The following GRM1 variants were observed in gnomAD, a reference collection of about 807,000 sequenced individuals.
GRM1 encodes metabotropic glutamate receptor 1.
In GRM1, 33 loss-of-function variants were observed where a neutral mutation model predicts 90.9. That is an observed-to-expected ratio of 0.36 (90% CI 0.28 to 0.49). The LOEUF (loss-of-function observed/expected upper bound fraction) is 0.49, where lower values mean the gene tolerates loss of function less well. Among genes scored for constraint, GRM1 ranks in the 20% least tolerant of loss-of-function variants. The pLI, the probability that GRM1 is intolerant of heterozygous loss-of-function variation, is 0.99. For missense variants in GRM1, 1,190 were observed against 1,534.3 expected (o/e 0.78, Z 3.75); for synonymous variants, 700 against 613.2 (o/e 1.14, Z -2.09).
Position 146,436,304 on chromosome 6 carries a change from ATGT to A in GRM1, c.*1510_*1512del, listed in dbSNP as rs1337928875. 6.6e-6 allele frequency: 1 copy of A among 152,186 alleles called. No homozygotes were observed. The highest frequency in any genetic ancestry group is 1.5e-5 in the Non-Finnish European group (1 of 68,032). 9.4% of individuals were successfully genotyped at this position (152,186 alleles called of 1,614,324 possible). A position where few individuals can be genotyped will look rare whatever the true frequency, so the allele number is the denominator to read the frequency against. ...TTCAGATATTTTCTGATGTGGAGAT[ATGT>A]TATTAATGAAGTGGTTTGAAAATTT... On this transcript the variant is annotated 3_prime_UTR_variant, in exon 8 of 8. Coordinates refer to ENST00000282753, the MANE Select transcript of GRM1 (RefSeq NM_001278064.2).
At chr6:146,380,039 C>T (rs1474058823) in intron 5 of GRM1, among the ~76,000 whole-genome samples, 1 of 152,022 alleles carries the variant, frequency 6.6e-6, no homozygotes. Context: ...ACAACTATGA[C>T]TTTGCCATAG....
chr6:146,075,570 C>T (rs980364871), intron 1 of GRM1, among the ~76,000 whole-genome samples: 1 of 152,098 alleles, frequency 6.6e-6, no homozygotes, highest in African/African-American at 2.4e-5. Flanking sequence ...GCATAAAGGA[C>T]TGAAAGTGAG....
chr6:146,400,586 G>A (rs534011872), intron 7 of GRM1, among the ~76,000 whole-genome samples: 1 of 152,078 alleles, frequency 6.6e-6, no homozygotes, highest in African/African-American at 2.4e-5. Context: ...ATTTTGAGAA[G>A]AAGCATATGT....
chr6:146,434,400 G>A lies in GRM1; in HGVS notation c.3189G>A (p.Arg1063=). The A allele has an allele frequency of 6.2e-7, 1 of 1,613,478 alleles. No homozygotes were observed. The highest frequency in any genetic ancestry group is 1.1e-5 in the South Asian group (1 of 91,060). ...AGPGGPGNGL[R]SLYPPPPPPQ... ...CCGGTGGTCCCGGGAACGGGCTGCG[G>A]TCCCTGTACCCGCCCCCGCCACCTC... is the stretch of plus-strand genomic sequence containing the variant. Residue 1063 remains arginine (R), a synonymous_variant, in exon 8 of 8, where the codon CGG becomes CGA. Transcript: ENST00000282753.
chr6:146,070,501 T>C (rs1775986818), intron 1 of GRM1, among the ~76,000 whole-genome samples: 1 of 152,160 alleles, frequency 6.6e-6, no homozygotes, highest in South Asian at 2.1e-4. Context: ...AGCTTTTGCA[T>C]TTCCAATTGG....
At chr6:146,309,064 T>C (rs362943) in intron 3 of GRM1, among the ~76,000 whole-genome samples, 6,500 of 152,230 alleles carry the variant, frequency 0.043, 453 homozygotes, top group African/African-American at 0.15. Flanking sequence ...TCTTAAGTTG[T>C]ATTTCTAGAA....
chr6:146,254,808 A>G (rs1373026061), intron 2 of GRM1, among the ~76,000 whole-genome samples: 1 of 152,192 alleles, frequency 6.6e-6, no homozygotes. Flanking sequence ...AACTGTAAAT[A>G]TCAGTTCTTA....
At chr6:146,142,720 C>T (rs926252357) in intron 1 of GRM1, among the ~76,000 whole-genome samples, 1 of 150,434 alleles carries the variant, frequency 6.6e-6, no homozygotes, top group Non-Finnish European at 1.5e-5. Context: ...CCTATGTTCA[C>T]TCAAGCCCTA....
rs746003735 is a variant in GRM1, at chr6:146,399,126, G to A, written c.2087G>A (p.Arg696Gln). The change falls in exon 7 of 8, where the codon CGG becomes CAG. Residue 696 changes from arginine (R) to glutamine (Q), a missense_variant. Coordinates refer to ENST00000282753, the MANE Select transcript of GRM1 (RefSeq NM_001278064.2). The surrounding 1 kb of genome is among the most constrained non-coding windows in gnomAD (Gnocchi z 5.4). Reference protein sequence around the residue: ...LAGSKKKICTRKPRFMSAWAQ... With the variant: ...LAGSKKKICTQKPRFMSAWAQ... ...GGCAGCAAGAAGAAGATCTGCACCC[G>A]GAAGCCCAGGTTCATGAGTGCCTGG... is the stretch of plus-strand genomic sequence containing the variant. The A allele has an allele frequency of 3.8e-5, 62 of 1,613,906 alleles. No homozygotes were observed. Among genetic ancestry groups the A allele is most frequent in the South Asian group, 6.6e-5 (6 of 91,072 alleles).
At chr6:146,154,855 C>G (rs1291102005) in intron 1 of GRM1, among the ~76,000 whole-genome samples, 1 of 152,180 alleles carries the variant, frequency 6.6e-6, no homozygotes, top group Non-Finnish European at 1.5e-5. Context: ...CTTGCCAACA[C>G]TGAATATTAT....
intron 2 of GRM1, among the ~76,000 whole-genome samples, chr6:146,201,282 C>T (rs548906658): frequency 3.9e-5 from 6 of 152,116 alleles, no homozygotes; most frequent in Non-Finnish European, 7.4e-5. Flanking sequence ...GTATTTTTAC[C>T]GTATTTTAAA....
At chr6:146,405,877 G>A (rs1314724835) in intron 7 of GRM1, among the ~76,000 whole-genome samples, 1 of 152,132 alleles carries the variant, frequency 6.6e-6, no homozygotes, top group Non-Finnish European at 1.5e-5. Flanking sequence ...ATAACAGAAT[G>A]TTTCAATAAG....
intron 7 of GRM1, among the ~76,000 whole-genome samples, chr6:146,410,910 T>G (rs1777542027): frequency 1.3e-5 from 2 of 152,150 alleles, no homozygotes; most frequent in African/African-American, 4.8e-5. Flanking sequence ...TAAAATCACT[T>G]TTGCTAGGAT....
At chr6:146,170,577 T>C (rs1778081108) in intron 2 of GRM1, among the ~76,000 whole-genome samples, 1 of 152,210 alleles carries the variant, frequency 6.6e-6, no homozygotes, top group Non-Finnish European at 1.5e-5. Context: ...CTGTTCATTT[T>C]CTTTATCTTT....
chr6:146,434,411 C>G lies in GRM1; in HGVS notation c.3200C>G (p.Pro1067Arg). The change falls in exon 8 of 8, where the codon CCG (proline) becomes CGG (arginine). Residue 1067 changes from proline to arginine, a missense_variant. Physicochemically the swap from Pro to Arg is moderately radical, Grantham distance 103. Transcript: ENST00000282753. ...GPGNGLRSLY[P>R]PPPPPQHLQM... is the part of the protein sequence containing the mutation. The stretch of plus-strand genomic sequence containing the variant: ...GGGAACGGGCTGCGGTCCCTGTACC[C>G]GCCCCCGCCACCTCCGCAGCACCTG... 6.8e-6 allele frequency: 11 copies of G among 1,613,278 alleles called. No homozygotes were observed. The highest frequency in any genetic ancestry group is 9.3e-6 in the Non-Finnish European group (11 of 1,179,648).
At chr6:146,264,074 A>G (rs1017192806) in intron 2 of GRM1, among the ~76,000 whole-genome samples, 8 of 152,162 alleles carry the variant, frequency 5.3e-5, no homozygotes, top group Non-Finnish European at 1.0e-4. Flanking sequence ...CTGATAAATC[A>G]AGGAATTCAA....
chr6:146,090,855 T>A (rs1182851263), intron 1 of GRM1, among the ~76,000 whole-genome samples: 1 of 152,080 alleles, frequency 6.6e-6, no homozygotes, highest in East Asian at 1.9e-4. Flanking sequence ...ACTGAGAATT[T>A]CCAATCCCTG....
At chr6:146,203,701 T>TA (rs1779398871) in intron 2 of GRM1, among the ~76,000 whole-genome samples, 1 of 152,214 alleles carries the variant, frequency 6.6e-6, no homozygotes, top group Non-Finnish European at 1.5e-5. Flanking sequence ...ACAGTATGTA[T>TA]AGAGGAATCT....
intron 1 of GRM1, among the ~76,000 whole-genome samples, chr6:146,154,186 T>G (rs2128889316): frequency 6.6e-6 from 1 of 152,340 alleles, no homozygotes. Flanking sequence ...ATCTTTTCTT[T>G]ATTGAAGTCC....
Sources: allele counts gnomAD v4.1 joint callset (sites outside exome capture counted in the v4.1 genomes callset), GRCh38; gene constraint gnomAD v4.1.1; non-coding constraint Gnocchi (gnomAD v3.1); transcripts MANE v1.5; gene names NCBI Gene and HGNC (gene_info 2026-07-23, HGNC 2026-07-21).